The following NDUFAF2 variants were observed in gnomAD, a reference collection of about 807,000 sequenced individuals.
NDUFAF2 encodes the protein NADH:ubiquinone oxidoreductase complex assembly factor 2, also known as NADH dehydrogenase [ubiquinone] 1 alpha subcomplex assembly factor 2.
A neutral mutation model predicts 22.8 loss-of-function variants in NDUFAF2; 13 were observed. The ratio of observed to expected loss-of-function variants is 0.57; its 90% CI spans 0.37 to 0.91. The LOEUF is 0.91. NDUFAF2 is among the 40% of genes least tolerant of loss of function. The probability of loss-of-function intolerance (pLI) is 0.01; values close to 1 mark genes in which losing one functional copy is unlikely to be tolerated. For synonymous variants in NDUFAF2, 53 were observed against 64.2 expected (o/e 0.83, Z 0.84); for missense variants, 162 against 195.2 (o/e 0.83, Z 1.01).
chr5:61,050,813 G>C (rs1752015602), intron 1 of NDUFAF2, among the ~76,000 whole-genome samples: 1 of 152,084 alleles, frequency 6.6e-6, no homozygotes, highest in Non-Finnish European at 1.5e-5. Context: ...AAGTCAAAAA[G>C]TCACAGTAGG....
intron 3 of NDUFAF2, among the ~76,000 whole-genome samples, chr5:61,131,023 A>C: frequency 6.6e-6 from 1 of 152,172 alleles, no homozygotes; most frequent in Admixed American, 6.6e-5. Flanking sequence ...TTGACAACAT[A>C]AGAAGTTTCT....
chr5:60,978,265 G>A (rs112307318), intron 1 of NDUFAF2, among the ~76,000 whole-genome samples: 84 of 111,280 alleles, frequency 7.5e-4, no homozygotes, highest in African/African-American at 2.1e-3. Context: ...TTGATACTGC[G>A]GGTTAAAGTC....
At chr5:61,001,369 T>C (rs919654058) in intron 1 of NDUFAF2, among the ~76,000 whole-genome samples, 1 of 152,164 alleles carries the variant, frequency 6.6e-6, no homozygotes, top group African/African-American at 2.4e-5. Flanking sequence ...AATTTCCCTG[T>C]ACAACTTTTA....
At chr5:61,063,661 G>C (rs1752193917) in intron 1 of NDUFAF2, among the ~76,000 whole-genome samples, 1 of 152,060 alleles carries the variant, frequency 6.6e-6, no homozygotes, top group African/African-American at 2.4e-5. Context: ...GTAATTATCA[G>C]CTTAAAATAG....
intron 1 of NDUFAF2, among the ~76,000 whole-genome samples, chr5:61,019,112 G>T (rs1480602215): frequency 1.3e-5 from 2 of 152,038 alleles, no homozygotes; most frequent in Non-Finnish European, 2.9e-5. Context: ...TAGAAATGAT[G>T]ATTATCAAAA....
At chr5:61,034,605 G>A (rs1035581808) in intron 1 of NDUFAF2, among the ~76,000 whole-genome samples, 1 of 152,160 alleles carries the variant, frequency 6.6e-6, no homozygotes, top group Non-Finnish European at 1.5e-5. Flanking sequence ...ATAAAGAAAT[G>A]TGATGGCAGC....
intron 1 of NDUFAF2, among the ~76,000 whole-genome samples, chr5:60,965,104 G>A (rs960513396): frequency 1.3e-5 from 2 of 152,070 alleles, no homozygotes; most frequent in South Asian, 4.1e-4. Flanking sequence ...AGGTTTTTCC[G>A]ATTTTTCAAC....
chr5:60,990,780 A>AT (rs1303376949), intron 1 of NDUFAF2, among the ~76,000 whole-genome samples: 1 of 152,184 alleles, frequency 6.6e-6, no homozygotes, highest in African/African-American at 2.4e-5. Context: ...AAGATAAATC[A>AT]TTATCATTAA....
chr5:61,026,013 T>C (rs1443821391), intron 1 of NDUFAF2, among the ~76,000 whole-genome samples: 2 of 152,066 alleles, frequency 1.3e-5, no homozygotes, highest in African/African-American at 4.8e-5. Context: ...AAATTACTTG[T>C]TTGAGCCTTA....
chr5:61,061,158 G>A (rs542307975), intron 1 of NDUFAF2, among the ~76,000 whole-genome samples: 12 of 152,190 alleles, frequency 7.9e-5, no homozygotes, highest in East Asian at 3.9e-4. Flanking sequence ...AATATCTTGC[G>A]CAGCTTTCAA....
intron 1 of NDUFAF2, among the ~76,000 whole-genome samples, chr5:60,950,062 T>G (rs1750523420): frequency 6.6e-6 from 1 of 152,180 alleles, no homozygotes; most frequent in South Asian, 2.1e-4. Flanking sequence ...CTAACTTATT[T>G]GCATTCTATT....
intron 1 of NDUFAF2, among the ~76,000 whole-genome samples, chr5:61,002,290 A>G (rs2112591517): frequency 6.6e-6 from 1 of 152,254 alleles, no homozygotes; most frequent in Middle Eastern, 3.4e-3. Context: ...TTAATGTATC[A>G]CTTACTTCTC....
chr5:61,027,425 A>G (rs79936469), intron 1 of NDUFAF2, among the ~76,000 whole-genome samples: 2 of 151,764 alleles, frequency 1.3e-5, no homozygotes, highest in African/African-American at 4.8e-5. Flanking sequence ...ATCACTTCCT[A>G]TTGTTTTACT....
chr5:61,076,337 G>A (rs1242627568), intron 2 of NDUFAF2, among the ~76,000 whole-genome samples: 8 of 152,124 alleles, frequency 5.3e-5, no homozygotes, highest in African/African-American at 1.7e-4. Flanking sequence ...GCCTCCCAAA[G>A]TGCTGGGATT....
intron 1 of NDUFAF2, among the ~76,000 whole-genome samples, chr5:61,019,737 A>T (rs73759458): frequency 0.017 from 2,546 of 152,162 alleles, 75 homozygotes; most frequent in African/African-American, 0.058. Context: ...AAAATGAATG[A>T]TTTTTACATA....
At chr5:61,126,617 TAA>T (rs769191618) in intron 3 of NDUFAF2, among the ~76,000 whole-genome samples, 4 of 152,088 alleles carry the variant, frequency 2.6e-5, no homozygotes, top group Non-Finnish European at 5.9e-5. Flanking sequence ...TAATAATTTT[TAA>T]AAGTCAGTAC....
Position 60,981,992 on chromosome 5 carries a change from A to G in NDUFAF2, c.127+36610A>G, listed in dbSNP as rs190998103. ...ACTTAAATATAAGAATTCAGACTGT[A>G]AGTACTAAAGGACATCTTTGGAGAA... On this transcript the variant is annotated intron_variant, in intron 1 of 3. Coordinates refer to ENST00000296597, the MANE Select transcript of NDUFAF2 (RefSeq NM_174889.5). Among the ~76,000 whole-genome samples, 58 of 152,304 alleles carry G rather than the reference A, an allele frequency of 3.8e-4. No homozygotes were observed. In the Middle Eastern group the frequency reaches 0.01, roughly 27 times the overall value.
At chr5:61,049,324 C>G (rs1014655033) in intron 1 of NDUFAF2, among the ~76,000 whole-genome samples, 1 of 151,684 alleles carries the variant, frequency 6.6e-6, no homozygotes, top group African/African-American at 2.4e-5. Flanking sequence ...AATTTAGGAT[C>G]TCAAAAAGGA....
intron 1 of NDUFAF2, among the ~76,000 whole-genome samples, chr5:61,045,376 T>C (rs1168870317): frequency 6.6e-6 from 1 of 150,708 alleles, no homozygotes; most frequent in African/African-American, 2.4e-5. Flanking sequence ...TTAAAATTTC[T>C]TTTATAGTCT....
Sources: allele counts gnomAD v4.1 joint callset (sites outside exome capture counted in the v4.1 genomes callset), GRCh38; gene constraint gnomAD v4.1.1; transcripts MANE v1.5; gene names NCBI Gene and HGNC (gene_info 2026-07-23, HGNC 2026-07-21).